CNBD1: variants seen among roughly 807,000 people sequenced by gnomAD.
CNBD1 encodes the protein cyclic nucleotide binding domain containing 1, also known as cyclic nucleotide-binding domain-containing protein 1.
In CNBD1, 71 loss-of-function variants were observed where a neutral mutation model predicts 54.4. The observed-to-expected ratio is 1.30, with a 90% CI of 1.08 to 1.59. CNBD1 has a LOEUF of 1.59. CNBD1 is among the 40% of genes most tolerant of loss of function. CNBD1 has a pLI of 0.00. For missense variants in CNBD1, 659 were observed against 518.0 expected (o/e 1.27, Z -2.64); for synonymous variants, 182 against 170.7 (o/e 1.07, Z -0.51).
At chr8:86,986,691 A>G (rs2130519065) in intron 4 of CNBD1, among the ~76,000 whole-genome samples, 2 of 152,310 alleles carry the variant, frequency 1.3e-5, no homozygotes, top group South Asian at 4.1e-4. Flanking sequence ...ATTTTTGTAT[A>G]TGATGATTGG....
At chr8:87,108,399 A>G (rs1176804895) in intron 4 of CNBD1, among the ~76,000 whole-genome samples, 1 of 152,196 alleles carries the variant, frequency 6.6e-6, no homozygotes, top group Non-Finnish European at 1.5e-5. Context: ...AGTAGTTCTC[A>G]GGCAGGTATA....
At chr8:87,324,464 A>T (rs1563552688) in intron 8 of CNBD1, among the ~76,000 whole-genome samples, 2 of 147,174 alleles carry the variant, frequency 1.4e-5, no homozygotes, top group Non-Finnish European at 1.5e-5. Flanking sequence ...ACTATTGATT[A>T]TTGCCCCAAT....
At chr8:87,249,532 A>G (rs540989596) in intron 6 of CNBD1, among the ~76,000 whole-genome samples, 32 of 152,218 alleles carry the variant, frequency 2.1e-4, no homozygotes, top group African/African-American at 7.5e-4. Flanking sequence ...TCCCATTTCC[A>G]TCCCATTGGC....
At chr8:87,292,218 A>C (rs930249558) in intron 8 of CNBD1, among the ~76,000 whole-genome samples, 1 of 152,220 alleles carries the variant, frequency 6.6e-6, no homozygotes, top group Non-Finnish European at 1.5e-5. Flanking sequence ...CAATAAATCA[A>C]CCATTAATAA....
chr8:86,989,948 A>G (rs189084732), intron 4 of CNBD1, among the ~76,000 whole-genome samples: 3 of 152,300 alleles, frequency 2.0e-5, no homozygotes, highest in African/African-American at 7.2e-5. Flanking sequence ...TCTGATGACC[A>G]ATCATGTTGA....
intron 4 of CNBD1, among the ~76,000 whole-genome samples, chr8:87,160,560 A>G (rs1424663529): frequency 6.6e-6 from 1 of 152,176 alleles, no homozygotes; most frequent in Admixed American, 6.6e-5. Context: ...ACAACATAAA[A>G]CAATAGGATG....
intron 4 of CNBD1, among the ~76,000 whole-genome samples, chr8:87,190,799 G>C (rs1268410037): frequency 6.8e-6 from 1 of 147,574 alleles, no homozygotes; most frequent in Non-Finnish European, 1.5e-5. Context: ...TGTTAGTCAG[G>C]ATTCTCCAGA....
At chr8:86,878,080 C>CTGTGTGTGTGTGTG (rs145093111) in intron 1 of CNBD1, among the ~76,000 whole-genome samples, 2,130 of 135,844 alleles carry the variant, frequency 0.016, 65 homozygotes, top group African/African-American at 0.053. Flanking sequence ...TTCATCAAAG[C>CTGTGTGTGTGTGTG]TGTGTGTGTG....
At chr8:87,121,979 T>C (rs1811900244) in intron 4 of CNBD1, among the ~76,000 whole-genome samples, 1 of 151,660 alleles carries the variant, frequency 6.6e-6, no homozygotes, top group Non-Finnish European at 1.5e-5. Context: ...GATGAACACT[T>C]AGGTTGTTCC....
At chr8:87,225,977 A>G (rs1436385038) in intron 5 of CNBD1, among the ~76,000 whole-genome samples, 1 of 151,378 alleles carries the variant, frequency 6.6e-6, no homozygotes, top group Non-Finnish European at 1.5e-5. Context: ...GGGAGAGTGT[A>G]TGTGTCAAGG....
intron 8 of CNBD1, among the ~76,000 whole-genome samples, chr8:87,350,894 A>G (rs971689695): frequency 6.6e-6 from 1 of 152,138 alleles, no homozygotes; most frequent in African/African-American, 2.4e-5. Flanking sequence ...TAATACGTTG[A>G]TAGTTACAAA....
chr8:86,881,247 G>T (rs761887305), intron 1 of CNBD1, among the ~76,000 whole-genome samples: 2 of 152,172 alleles, frequency 1.3e-5, no homozygotes, highest in African/African-American at 4.8e-5. Flanking sequence ...ATCCCTGTTT[G>T]CAGATGACAT....
chr8:87,096,987 G>A (rs1811333740), intron 4 of CNBD1, among the ~76,000 whole-genome samples: 1 of 152,156 alleles, frequency 6.6e-6, no homozygotes, highest in African/African-American at 2.4e-5. Context: ...CTTGGAAGCA[G>A]ACACAGCTTC....
chr8:87,056,130 C>T (rs1265952185), intron 4 of CNBD1, among the ~76,000 whole-genome samples: 1 of 152,060 alleles, frequency 6.6e-6, no homozygotes, highest in African/African-American at 2.4e-5. Context: ...TAACAGCTTG[C>T]CCAATATGTC....
At chr8:87,002,225 CA>C (rs1216785142) in intron 4 of CNBD1, among the ~76,000 whole-genome samples, 1 of 152,136 alleles carries the variant, frequency 6.6e-6, no homozygotes, top group African/African-American at 2.4e-5. Context: ...CCTCCACTGA[CA>C]AAAATTTGGG....
At chr8:87,317,827 G>A (rs1374128374) in intron 8 of CNBD1, among the ~76,000 whole-genome samples, 2 of 151,840 alleles carry the variant, frequency 1.3e-5, no homozygotes, top group Non-Finnish European at 2.9e-5. Flanking sequence ...AAATACATAA[G>A]ATTAGGCTCA....
At chr8:87,291,796 T>A (rs966228228) in intron 8 of CNBD1, among the ~76,000 whole-genome samples, 25 of 152,148 alleles carry the variant, frequency 1.6e-4, no homozygotes, top group African/African-American at 6.0e-4. Context: ...CCTTGTATTA[T>A]CTTAACACTC....
intron 8 of CNBD1, among the ~76,000 whole-genome samples, chr8:87,303,140 A>G (rs943840803): frequency 6.6e-6 from 1 of 152,122 alleles, no homozygotes; most frequent in African/African-American, 2.4e-5. Flanking sequence ...AAACTACTTT[A>G]AAGTTCATAT....
At chr8:87,271,690 A>T (rs1808366943) in intron 6 of CNBD1, among the ~76,000 whole-genome samples, 1 of 152,058 alleles carries the variant, frequency 6.6e-6, no homozygotes, top group Admixed American at 6.6e-5. Flanking sequence ...TATGGAAAAC[A>T]GTATAGAGGT....
Sources: allele counts gnomAD v4.1 joint callset (sites outside exome capture counted in the v4.1 genomes callset), GRCh38; gene constraint gnomAD v4.1.1; transcripts MANE v1.5; gene names NCBI Gene and HGNC (gene_info 2026-07-23, HGNC 2026-07-21).